Variants in CRTC3 observed in about 807,000 individuals in gnomAD.
CRTC3 encodes the protein CREB-regulated transcription coactivator 3.
CRTC3 carries 26 observed loss-of-function variants against 74.5 expected under a neutral mutation model. The ratio of observed to expected loss-of-function variants is 0.35; its 90% CI spans 0.26 to 0.48. The LOEUF is 0.48. CRTC3 is among the 20% of genes least tolerant of loss of function. The probability of loss-of-function intolerance (pLI) is 0.99; values close to 1 mark genes in which losing one functional copy is unlikely to be tolerated. For synonymous variants in CRTC3, 377 were observed against 325.8 expected (o/e 1.16, Z -1.69); for missense variants, 760 against 787.3 (o/e 0.97, Z 0.41).
At chr15:90,619,857 G>A (rs1968595688) in intron 9 of CRTC3, 67 bp downstream of exon 9, 2 of 1,345,574 alleles carry the variant, frequency 1.5e-6, no homozygotes, top group South Asian at 1.2e-5. Context: ...AAGTCTCGCT[G>A]CTTTGTTACA....
intron 3 of CRTC3, among the ~76,000 whole-genome samples, chr15:90,599,714 G>C (rs1253269129): frequency 6.6e-6 from 1 of 152,158 alleles, no homozygotes; most frequent in Admixed American, 6.5e-5. Context: ...ATATCAGGAA[G>C]GTTAAAATGC....
chr15:90,626,377 A>T (rs1455734663), intron 10 of CRTC3, among the ~76,000 whole-genome samples: 1 of 152,156 alleles, frequency 6.6e-6, no homozygotes, highest in Non-Finnish European at 1.5e-5. Context: ...TTTCCATTAG[A>T]TTTCTAAAGG....
At chr15:90,621,803 C>CTAAA (rs1488738453) in intron 9 of CRTC3, among the ~76,000 whole-genome samples, 2 of 152,170 alleles carry the variant, frequency 1.3e-5, no homozygotes, top group African/African-American at 4.8e-5. Flanking sequence ...CTTGCTCTTA[C>CTAAA]TTTACAGATA....
At position 90,607,180 on chromosome 15, in the gene CRTC3, A is replaced by T. The variant is rs570131554; in HGVS notation, c.477-198A>T. On this transcript the variant is annotated intron_variant, in intron 5 of 14. Coordinates refer to ENST00000268184, the MANE Select transcript of CRTC3 (RefSeq NM_022769.5). ...TAAGGCTATATGAGTCTAAGTTAAA[A>T]TATTCTGGAGTGTGGGCGATCCTCA... Among the ~76,000 whole-genome samples, 9 of 152,348 alleles carry T rather than the reference A, an allele frequency of 5.9e-5. 1 individual carries two copies. The East Asian group carries it at 1.7e-3, about 29-fold the overall frequency.
rs1188813041 is a variant in CRTC3 at position 90,540,089 on chromosome 15, A to G, written c.183A>G (p.Gly61=). ...QQLRLTQYHG[G]SLPNVSQLRS... is the part of the protein sequence containing the mutation. ...TGCGCCTTACACAGTACCATGGAGG[A>G]TCCTTACCAAATGTGAGCCAGCTGC... Residue 61 remains glycine (G), a synonymous_variant, in exon 2 of 15, where the codon GGA becomes GGG. Transcript: ENST00000268184. The G allele has an allele frequency of 4.3e-6, 7 of 1,613,282 alleles. No homozygotes were observed. Among genetic ancestry groups the G allele is most frequent in the Non-Finnish European group, 4.2e-6 (5 of 1,179,864 alleles).
chr15:90,632,751 T>C (rs571704534), intron 11 of CRTC3, among the ~76,000 whole-genome samples: 20 of 152,306 alleles, frequency 1.3e-4, no homozygotes, highest in African/African-American at 4.8e-4. Context: ...ACTACAGGCA[T>C]GTGCCACGAC....
rs1966616572 is a variant in CRTC3 at position 90,530,899 on chromosome 15, C to T, written c.132+696C>T. ...GTAAGGCGCGAGCCGGGACAAACAC[C>T]TGGAGAGGTTAGGTAACCGCTGAGT... On this transcript the variant is annotated intron_variant, in intron 1 of 14. Coordinates refer to ENST00000268184, the MANE Select transcript of CRTC3 (RefSeq NM_022769.5). This position sits in a 1 kb window ranked among gnomAD's most constrained non-coding sequence, Gnocchi z 6.2. 6.6e-6 allele frequency among the ~76,000 whole-genome samples: 1 copy of T among 152,178 alleles called. No homozygotes were observed. Among genetic ancestry groups the T allele is most frequent in the East Asian group, 1.9e-4 (1 of 5,202 alleles).
At chr15:90,555,577 G>A (rs1966881116) in intron 2 of CRTC3, among the ~76,000 whole-genome samples, 1 of 152,086 alleles carries the variant, frequency 6.6e-6, no homozygotes, top group Non-Finnish European at 1.5e-5. Context: ...GAGTGCAGTG[G>A]CATGATCTTG....
intron 11 of CRTC3, among the ~76,000 whole-genome samples, chr15:90,633,430 A>C (rs2151095121): frequency 6.6e-6 from 1 of 152,170 alleles, no homozygotes; most frequent in East Asian, 1.9e-4. Context: ...CTAAATTTGA[A>C]ATAATTTTCC....
intron 2 of CRTC3, among the ~76,000 whole-genome samples, chr15:90,577,377 TTA>T (rs1967431785): frequency 6.6e-6 from 1 of 152,198 alleles, no homozygotes; most frequent in Non-Finnish European, 1.5e-5. Flanking sequence ...AGTAAGTCAA[TTA>T]TAGTGTTGGT....
Position 90,575,585 on chromosome 15 carries a change from G to A in CRTC3, c.232-18051G>A, listed in dbSNP as rs187648619. On this transcript the variant is annotated intron_variant, in intron 2 of 14. Coordinates refer to ENST00000268184, the MANE Select transcript of CRTC3 (RefSeq NM_022769.5). ...ATTTATGAATAATCATCTTTTCTCC[G>A]ATAGTTTAAATGCTACTTCCATCAT... 1.8e-4 allele frequency among the ~76,000 whole-genome samples: 28 copies of A among 152,134 alleles called. No individual in the cohort carries two copies. In the East Asian group the frequency reaches 3.5e-3, roughly 19 times the overall value.
At chr15:90,596,866 T>C (rs979531237) in intron 3 of CRTC3, among the ~76,000 whole-genome samples, 1 of 152,244 alleles carries the variant, frequency 6.6e-6, no homozygotes, top group Admixed American at 6.5e-5. Flanking sequence ...TCAGAATTAT[T>C]ATAGCTGTTT....
chr15:90,633,908 AGTTCTTTTTTGTTCTCTGAGT>A (rs1171006723), intron 11 of CRTC3, among the ~76,000 whole-genome samples: 1 of 150,534 alleles, frequency 6.6e-6, no homozygotes, highest in African/African-American at 2.5e-5. Flanking sequence ...AATTGCTATG[AGTTCTTTTTTGTTCTCTGAGT>A]GTTCTTTTTT....
At position 90,540,031 on chromosome 15, in the gene CRTC3, GT is replaced by G. The variant is rs769643937; in HGVS notation, c.133-5del. 2 of 1,601,842 alleles carry G rather than the reference GT, an allele frequency of 1.2e-6. No individual in the cohort carries two copies. Among genetic ancestry groups the G allele is most frequent in the African/African-American group, 2.7e-5 (2 of 74,690 alleles). On this transcript the variant is annotated splice_region_variant and splice_polypyrimidine_tract_variant and intron_variant, in intron 1 of 14. Transcript: ENST00000268184. ...CCTCTCAGCGTTCTTAAATCACTTTGTTTCCAGGTTCAATTTCAGAAGCTTC... is the reference window on the plus strand; with the variant it reads ...CCTCTCAGCGTTCTTAAATCACTTTGTTCCAGGTTCAATTTCAGAAGCTTC...
rs781139487 is a variant in CRTC3, at chr15:90,642,157, C to T, written c.*17C>T. On this transcript the variant is annotated 3_prime_UTR_variant, in exon 15 of 15. Transcript: ENST00000268184. Reference sequence around the variant, plus strand: ...AGACTGTGAACAGAAGGCAGTGGAACAGAAGAATGTTTTTCTGCAACAGCC... The same window carrying T: ...AGACTGTGAACAGAAGGCAGTGGAATAGAAGAATGTTTTTCTGCAACAGCC... The T allele has an allele frequency of 3.1e-6, 5 of 1,608,784 alleles. No individual in the cohort carries two copies. Among genetic ancestry groups the T allele is most frequent in the Admixed American group, 3.3e-5 (2 of 59,954 alleles).
At chr15:90,568,781 C>T (rs926972009) in intron 2 of CRTC3, among the ~76,000 whole-genome samples, 3 of 152,210 alleles carry the variant, frequency 2.0e-5, no homozygotes, top group African/African-American at 4.8e-5. Context: ...GCCACCCCAA[C>T]GTTCAGCAAC....
Position 90,625,834 on chromosome 15 carries a change from A to G in CRTC3, c.808A>G (p.Thr270Ala). ...CTCACCCTTCTTGGGGACCTTGAAC[A>G]CTGGAGGGTCATTGCCAGATCTAAC... ...GLSPFLGTLNTGGSLPDLTNL... is the reference protein window; with the variant it reads ...GLSPFLGTLNAGGSLPDLTNL... Residue 270 changes from threonine to alanine, a missense_variant, in exon 10 of 15, where the codon ACT (threonine) becomes GCT (alanine). By Grantham distance (58) the Thr-to-Ala change is moderately conservative. This residue lies in a region of CRTC3 where 652 missense variants were observed against 635.2 expected (regional missense o/e 1.03). Transcript: ENST00000268184. 6.2e-7 allele frequency: 1 copy of G among 1,614,202 alleles called. No individual in the cohort carries two copies. The highest frequency in any genetic ancestry group is 8.5e-7 in the Non-Finnish European group (1 of 1,180,030).
chr15:90,598,297 A>G (rs1967980004), intron 3 of CRTC3: 3 of 619,550 alleles, frequency 4.8e-6, no homozygotes, highest in Non-Finnish European at 8.7e-6. Flanking sequence ...GCACAAAGAA[A>G]GGGCCAGGGC....
intron 6 of CRTC3, among the ~76,000 whole-genome samples, chr15:90,611,431 T>A (rs1968353991): frequency 6.6e-6 from 1 of 152,190 alleles, no homozygotes; most frequent in African/African-American, 2.4e-5. Flanking sequence ...TAGTGTCCTG[T>A]TTCCAGAGAG....
Sources: gnomAD v4.1 joint callset for allele counts (sites outside exome capture counted in the v4.1 genomes callset) on GRCh38, gnomAD v4.1.1 for gene constraint, gnomAD v4.1.1 regional missense constraint, Gnocchi (gnomAD v3.1) non-coding constraint, MANE v1.5 for transcripts, NCBI Gene and HGNC (gene_info 2026-07-23, HGNC 2026-07-21) for gene names.